Variants in NEU3 observed in about 807,000 individuals in gnomAD.
NEU3 encodes the protein sialidase-3.
In NEU3, 10 loss-of-function variants were observed where a neutral mutation model predicts 11.4. That is an observed-to-expected ratio of 0.88 (90% confidence interval 0.54 to 1.49). NEU3 has a LOEUF of 1.49. NEU3 is among the 40% of genes most tolerant of loss of function. The probability of loss-of-function intolerance (pLI) is 0.00; values close to 1 mark genes in which losing one functional copy is unlikely to be tolerated. For synonymous variants in NEU3, 212 were observed against 228.2 expected (o/e 0.93, Z 0.64); for missense variants, 529 against 581.8 (o/e 0.91, Z 0.93).
chr11:74,989,779 TAGTA>T (rs1366655709), intron 1 of NEU3, among the ~76,000 whole-genome samples: 3 of 152,168 alleles, frequency 2.0e-5, no homozygotes, highest in Non-Finnish European at 4.4e-5. Context: ...AGTGACTTGC[TAGTA>T]AGTGTCAAAG....
chr11:75,005,265 C>A (rs910855364), intron 2 of NEU3, 148 bp from the exon 3 acceptor site: 7 of 808,092 alleles, frequency 8.7e-6, no homozygotes, highest in Non-Finnish European at 1.1e-5. Flanking sequence ...CTGTAATATC[C>A]GAGAATTTAG....
chr11:74,986,155 T>TA (rs1172369827), upstream of NEU3, among the ~76,000 whole-genome samples: 26 of 152,370 alleles, frequency 1.7e-4, no homozygotes, highest in East Asian at 4.8e-3. Context: ...TTTAGATTGA[T>TA]ACCTGTAGCT....
Position 75,005,981 on chromosome 11 carries a change from A to G in NEU3, c.875A>G (p.His292Arg), listed in dbSNP as rs1262052080. 2 of 1,613,966 alleles carry G rather than the reference A, an allele frequency of 1.2e-6. No individual in the cohort carries two copies. The highest frequency in any genetic ancestry group is 2.2e-5 in the East Asian group (1 of 44,872). ...CGGGCAGAGGCGCTCAGCACTGACC[A>G]TGGTGAAGGCTTTCAGAGACTGGCC... ...RCRAEALSTD[H>R]GEGFQRLALS... Residue 292 changes from histidine to arginine, a missense_variant, in exon 3 of 3, where the codon CAT becomes CGT. By Grantham distance (29) the His-to-Arg change is conservative. Coordinates refer to ENST00000294064, the MANE Select transcript of NEU3 (RefSeq NM_006656.6).
At chr11:74,988,688 G>A, upstream of NEU3, 1 of 303,894 alleles carries the variant, frequency 3.3e-6, no homozygotes, top group Non-Finnish European at 6.2e-6. Flanking sequence ...GCTCGGGGCT[G>A]TGGCACTGAA....
intron 2 of NEU3, among the ~76,000 whole-genome samples, chr11:74,995,529 A>G (rs1410418388): frequency 6.6e-6 from 1 of 152,194 alleles, no homozygotes; most frequent in Non-Finnish European, 1.5e-5. Flanking sequence ...CCACCACACT[A>G]AAGTGACTAT....
the NEU3 span, among the ~76,000 whole-genome samples, chr11:74,980,550 A>G: frequency 6.6e-6 from 1 of 152,156 alleles, no homozygotes; most frequent in Non-Finnish European, 1.5e-5. Context: ...CATCAGAGAA[A>G]ACTGTTAATA....
upstream of NEU3, chr11:74,988,872 C>G: frequency 1.7e-6 from 1 of 587,884 alleles, no homozygotes; most frequent in East Asian, 3.2e-5. Flanking sequence ...ACGGTTGGCC[C>G]CAACCGCCAC....
Position 74,989,859 on chromosome 11 carries a change from G to C in NEU3, c.94+705G>C, listed in dbSNP as rs1292558947. On this transcript the variant is annotated intron_variant, in intron 1 of 2. Coordinates refer to ENST00000294064, the MANE Select transcript of NEU3 (RefSeq NM_006656.6). The stretch of plus-strand genomic sequence containing the variant: ...CCCAGTAAGAAAGCGGGAAGGACTT[G>C]ATGGGAAAGTGATTATATCGAGCAG... The C allele has an allele frequency of 1.2e-5, 8 of 654,960 alleles. No individual in the cohort carries two copies. In the East Asian group the frequency reaches 2.2e-4, roughly 18 times the overall value. 40.6% of individuals were successfully genotyped at this position (654,960 alleles called of 1,614,324 possible).
intron 2 of NEU3, among the ~76,000 whole-genome samples, chr11:74,996,228 T>TAGCAA (rs1165253652): frequency 6.6e-6 from 1 of 152,222 alleles, no homozygotes; most frequent in Non-Finnish European, 1.5e-5. Context: ...GATTTCTCTG[T>TAGCAA]AGCATGCAAT....
At chr11:75,005,220 T>A (rs1948885060) in intron 2 of NEU3, among the ~76,000 whole-genome samples, 193 bp from the exon 3 acceptor site, 1 of 152,206 alleles carries the variant, frequency 6.6e-6, no homozygotes, top group South Asian at 2.1e-4. Flanking sequence ...TTGTACAACA[T>A]TTAGCATTGT....
chr11:75,014,684 T>A (rs1450674753), downstream of NEU3, among the ~76,000 whole-genome samples: 1 of 151,894 alleles, frequency 6.6e-6, no homozygotes, highest in Non-Finnish European at 1.5e-5. Context: ...GGCAACATGG[T>A]GAAACCCTGT....
At chr11:74,997,188 G>T (rs1416842467) in intron 2 of NEU3, among the ~76,000 whole-genome samples, 1 of 152,180 alleles carries the variant, frequency 6.6e-6, no homozygotes, top group African/African-American at 2.4e-5. Flanking sequence ...TCTGTTGTTT[G>T]GTGTAGCCAC....
rs543742757 is a variant in NEU3 at position 75,007,664 on chromosome 11, C to T, written c.*1172C>T. On this transcript the variant is annotated 3_prime_UTR_variant, in exon 3 of 3. Coordinates refer to ENST00000294064, the MANE Select transcript of NEU3 (RefSeq NM_006656.6). Reference sequence around the variant, plus strand: ...CCTATTTGTGTAGGCCCATGGAAATCACTACTTGTGAAGTAGAGATGCCTT... The same window carrying T: ...CCTATTTGTGTAGGCCCATGGAAATTACTACTTGTGAAGTAGAGATGCCTT... 1 of 152,298 alleles carries T rather than the reference C, an allele frequency of 6.6e-6. No individual in the cohort carries two copies. The highest frequency in any genetic ancestry group is 1.9e-4 in the East Asian group (1 of 5,190). 9.4% of individuals were successfully genotyped at this position (152,298 alleles called of 1,614,324 possible). A position where few individuals can be genotyped will look rare whatever the true frequency, so the allele number is the denominator to read the frequency against.
chr11:75,015,506 C>G (rs1565500546), downstream of NEU3, among the ~76,000 whole-genome samples: 3 of 152,202 alleles, frequency 2.0e-5, no homozygotes, highest in Admixed American at 6.5e-5. Flanking sequence ...GCCCCACCCA[C>G]TGCCCCTCAA....
chr11:75,002,263 A>G (rs538381375), intron 2 of NEU3, among the ~76,000 whole-genome samples: 2 of 152,340 alleles, frequency 1.3e-5, no homozygotes, highest in East Asian at 3.9e-4. Context: ...ATGTTGCCCA[A>G]GTTGATCTCA....
chr11:75,000,564 C>T (rs754168944), intron 2 of NEU3, among the ~76,000 whole-genome samples: 2 of 151,614 alleles, frequency 1.3e-5, no homozygotes, highest in Non-Finnish European at 2.9e-5. Context: ...TCAGAATTTC[C>T]TTCCTATTTA....
downstream of NEU3, among the ~76,000 whole-genome samples, chr11:75,011,619 A>G (rs145279562): frequency 4.2e-4 from 64 of 152,354 alleles, no homozygotes; most frequent in East Asian, 0.012. Flanking sequence ...GAGAGGCGGC[A>G]AGAGTCCTGA....
At chr11:74,997,917 A>G (rs1385263441) in intron 2 of NEU3, among the ~76,000 whole-genome samples, 1 of 152,140 alleles carries the variant, frequency 6.6e-6, no homozygotes, top group Non-Finnish European at 1.5e-5. Context: ...TTGGCACAAG[A>G]GGCCTAGCTA....
At chr11:75,004,320 A>G in intron 2 of NEU3, 1 of 677,328 alleles carries the variant, frequency 1.5e-6, no homozygotes, top group Non-Finnish European at 2.7e-6. Context: ...GGGTTTTGCC[A>G]TGTTGCCCAG....
Sources: gnomAD v4.1 joint callset for allele counts (sites outside exome capture counted in the v4.1 genomes callset) on GRCh38, gnomAD v4.1.1 for gene constraint, MANE v1.5 for transcripts, NCBI Gene and HGNC (gene_info 2026-07-23, HGNC 2026-07-21) for gene names.